The following CKAP5 variants were observed in gnomAD, a reference collection of about 807,000 sequenced individuals.
CKAP5 encodes the protein cytoskeleton-associated protein 5.
A neutral mutation model predicts 232.8 loss-of-function variants in CKAP5; 27 were observed. The observed-to-expected ratio is 0.12, with a 90% CI of 0.09 to 0.16. The LOEUF (loss-of-function observed/expected upper bound fraction) is 0.16, where lower values mean the gene tolerates loss of function less well. Among genes scored for constraint, CKAP5 ranks in the 10% least tolerant of loss-of-function variants. The pLI is 1.00. For missense variants in CKAP5, 1,838 were observed against 2,424.7 expected (o/e 0.76, Z 5.08); for synonymous variants, 785 against 841.1 (o/e 0.93, Z 1.16).
Position 46,797,956 on chromosome 11 carries a change from T to A in CKAP5, c.1187A>T (p.Asn396Ile). Reference sequence around the variant, plus strand: ...TACTGCTAAAACATCCTCACTGATGTTCTGTAGTGTGGTCTTTAGAAAGAA... The same window carrying A: ...TACTGCTAAAACATCCTCACTGATGATCTGTAGTGTGGTCTTTAGAAAGAA... ...DAIFLTTTLQ[N>I]ISEDVLAVMD... Residue 396 changes from asparagine to isoleucine, a missense_variant, in exon 11 of 44, where the codon AAC (asparagine) becomes ATC (isoleucine). Asn to Ile is a moderately radical substitution (Grantham distance 149). This residue lies in a region of CKAP5 where 97 missense variants were observed against 167.7 expected (regional missense o/e 0.58). Coordinates refer to ENST00000529230, the MANE Select transcript of CKAP5 (RefSeq NM_001008938.4). The A allele has an allele frequency of 6.2e-7, 1 of 1,613,028 alleles. No homozygotes were observed. The highest frequency in any genetic ancestry group is 8.5e-7 in the Non-Finnish European group (1 of 1,179,758).
At chr11:46,791,453 C>G (rs949248397) in intron 13 of CKAP5, among the ~76,000 whole-genome samples, 2 of 152,018 alleles carry the variant, frequency 1.3e-5, no homozygotes, top group African/African-American at 2.4e-5. Context: ...CTAAGGATCC[C>G]TTGAGCCCAG....
chr11:46,829,896 C>T (rs1490639877), intron 1 of CKAP5, among the ~76,000 whole-genome samples: 2 of 149,246 alleles, frequency 1.3e-5, no homozygotes, highest in African/African-American at 4.9e-5. Context: ...CTCACATACA[C>T]ATTTACATAT....
rs2065160160 is a variant in CKAP5, at chr11:46,762,114, C to T, written c.4107G>A (p.Lys1369=). The change falls in exon 32 of 44, where the codon AAG becomes AAA. Residue 1369 remains lysine (K), a synonymous_variant. Coordinates refer to ENST00000529230, the MANE Select transcript of CKAP5 (RefSeq NM_001008938.4). ...VCQPTPGKAL[K]EIAVHIGDRD... ...GGTCTCCTATGTGAACAGCTATTTC[C>T]TTTAAGGCTTTTCCTGGGGTTGGTT... The T allele has an allele frequency of 6.2e-7, 1 of 1,614,150 alleles. No individual in the cohort carries two copies. Among genetic ancestry groups the T allele is most frequent in the East Asian group, 2.2e-5 (1 of 44,884 alleles).
rs149593529 is a variant in CKAP5, at chr11:46,750,291, C to T, written c.5687G>A (p.Arg1896His). Residue 1896 changes from arginine to histidine, a missense_variant, in exon 42 of 44, where the codon CGT becomes CAT. Transcript: ENST00000529230. ...VIEMEREGKGRISTSTGISPQ... is the reference protein window; with the variant it reads ...VIEMEREGKGHISTSTGISPQ... ...AACCATACCTGTTGAAGTGGAAATA[C>T]GACCTTTGCCCTCCCTCTCCATCTC... 1.3e-5 allele frequency: 21 copies of T among 1,613,866 alleles called. No homozygotes were observed. Among genetic ancestry groups the T allele is most frequent in the African/African-American group, 1.1e-4 (8 of 74,920 alleles).
intron 36 of CKAP5, among the ~76,000 whole-genome samples, chr11:46,754,274 G>A (rs2065094128): frequency 6.6e-6 from 1 of 152,132 alleles, no homozygotes; most frequent in South Asian, 2.1e-4. Context: ...TGAGATTATA[G>A]GTGTGAGCCA....
At chr11:46,817,183 T>C (rs887020990) in intron 3 of CKAP5, among the ~76,000 whole-genome samples, 4 of 151,782 alleles carry the variant, frequency 2.6e-5, no homozygotes, top group African/African-American at 7.3e-5. Flanking sequence ...GGTGGGATTA[T>C]AGCTCACTGT....
intron 25 of CKAP5, 37 bp downstream of exon 25, chr11:46,770,751 A>T: frequency 6.3e-7 from 1 of 1,576,342 alleles, no homozygotes; most frequent in Non-Finnish European, 8.7e-7. Flanking sequence ...ATTTTTTAAT[A>T]GCTTTTAACA....
At chr11:46,809,582 A>C in intron 6 of CKAP5, 82 bp from the exon 7 acceptor site, 1 of 1,344,480 alleles carries the variant, frequency 7.4e-7, no homozygotes, top group Non-Finnish European at 1.1e-6. Context: ...CACAACCCTG[A>C]TGAAATTTTA....
In CKAP5 at chr11:46,811,047, T is replaced by C; in HGVS notation, c.590A>G (p.Asp197Gly). Reference protein sequence around the residue: ...IAVEIYRWIRDALRPPLQNIN... With the variant: ...IAVEIYRWIRGALRPPLQNIN... ...ATTTTGTAATGGGGGTCTCAGAGCA[T>C]CCCGAATCCATCTGTAAATCTCCAC... The change falls in exon 5 of 44, where the codon GAT becomes GGT. Residue 197 changes from aspartate to glycine, a missense_variant. Asp to Gly is a moderately conservative substitution (Grantham distance 94, BLOSUM62 -1). This residue lies in a region of CKAP5 where 285 missense variants were observed against 300.0 expected (regional missense o/e 0.95). Coordinates refer to ENST00000529230, the MANE Select transcript of CKAP5 (RefSeq NM_001008938.4). 1 of 1,614,094 alleles carries C rather than the reference T, an allele frequency of 6.2e-7. No homozygotes were observed. Among genetic ancestry groups the C allele is most frequent in the Non-Finnish European group, 8.5e-7 (1 of 1,179,988 alleles).
chr11:46,799,447 TA>T, intron 9 of CKAP5, among the ~76,000 whole-genome samples: 1 of 152,360 alleles, frequency 6.6e-6, no homozygotes, highest in East Asian at 1.9e-4. Flanking sequence ...AAAATCAAGA[TA>T]TTTTAATGTC....
intron 2 of CKAP5, among the ~76,000 whole-genome samples, chr11:46,819,275 G>C (rs1659315216): frequency 1.3e-5 from 2 of 151,902 alleles, no homozygotes; most frequent in African/African-American, 4.8e-5. Flanking sequence ...ATTCCAGAAG[G>C]AACAGTATAC....
chr11:46,808,908 A>AT (rs1208898418), intron 7 of CKAP5, among the ~76,000 whole-genome samples: 1 of 152,174 alleles, frequency 6.6e-6, no homozygotes, highest in East Asian at 1.9e-4. Context: ...ACTGGGGATG[A>AT]TTTTGTCTCC....
In CKAP5 at chr11:46,823,796, T is replaced by C. The variant is rs563386151; in HGVS notation, c.-37-2528A>G. Reference sequence around the variant, plus strand: ...TCACCATGCCCAACTAATTTTTTAGTTTTTTGTAGAGATGGGGTCTTACTA... The same window carrying C: ...TCACCATGCCCAACTAATTTTTTAGCTTTTTGTAGAGATGGGGTCTTACTA... On this transcript the variant is annotated intron_variant, in intron 1 of 43. Coordinates refer to ENST00000529230, the MANE Select transcript of CKAP5 (RefSeq NM_001008938.4). 2.0e-5 allele frequency among the ~76,000 whole-genome samples: 3 copies of C among 152,312 alleles called. No homozygotes were observed. In the East Asian group the frequency reaches 5.8e-4, roughly 29 times the overall value.
rs2065192247 is a variant in CKAP5 at position 46,765,226 on chromosome 11, T to C, written c.3442A>G (p.Thr1148Ala). Residue 1148 changes from threonine to alanine, a missense_variant, in exon 28 of 44, where the codon ACC (threonine) becomes GCC (alanine). By Grantham distance (58) the Thr-to-Ala change is moderately conservative (BLOSUM62 0). Around this residue, in one of 6 missense-constraint regions of CKAP5, gnomAD observed 767 missense variants for 954.6 expected, o/e 0.80. Coordinates refer to ENST00000529230, the MANE Select transcript of CKAP5 (RefSeq NM_001008938.4). Reference protein sequence around the residue: ...SAQGKKMPSKTSLKEDEDKSG... With the variant: ...SAQGKKMPSKASLKEDEDKSG... ...TTGTCTTCATCCTCCTTTAAGCTGGTTTTGCTTGGCATCTTCTTCCCTTGT... is the reference window on the plus strand; with the variant it reads ...TTGTCTTCATCCTCCTTTAAGCTGGCTTTGCTTGGCATCTTCTTCCCTTGT... The C allele has an allele frequency of 6.2e-7, 1 of 1,612,818 alleles. No individual in the cohort carries two copies. Among genetic ancestry groups the C allele is most frequent in the Non-Finnish European group, 8.5e-7 (1 of 1,179,530 alleles).
intron 1 of CKAP5, among the ~76,000 whole-genome samples, chr11:46,821,688 G>C (rs1406765094): frequency 1.3e-5 from 2 of 151,900 alleles, no homozygotes; most frequent in Admixed American, 6.5e-5. Context: ...CTCCCAAAGT[G>C]CTGGGATTAC....
intron 18 of CKAP5, 29 bp downstream of exon 18, chr11:46,783,245 A>G: frequency 3.1e-6 from 4 of 1,286,584 alleles, no homozygotes; most frequent in Non-Finnish European, 4.5e-6. Context: ...ACATTTAACT[A>G]TTTTCCACTT....
intron 1 of CKAP5, among the ~76,000 whole-genome samples, chr11:46,821,601 A>T (rs191366690): frequency 1.9e-4 from 29 of 151,582 alleles, no homozygotes; most frequent in African/African-American, 6.5e-4. Context: ...ATTTTTTTGT[A>T]TTTTTAGTAG....
chr11:46,801,403 C>T (rs1202795648), intron 8 of CKAP5, 99 bp from the exon 9 acceptor site: 5 of 858,912 alleles, frequency 5.8e-6, no homozygotes, highest in Non-Finnish European at 9.3e-6. Flanking sequence ...GGTGCAGCGG[C>T]TCACACCTGT....
chr11:46,767,696 CT>C, intron 26 of CKAP5, 33 bp from the exon 27 acceptor site: 1 of 1,310,644 alleles, frequency 7.6e-7, no homozygotes, highest in Non-Finnish European at 1.1e-6. Context: ...ATACTATAAA[CT>C]TTAACTAATA....
Sources: allele counts gnomAD v4.1 joint callset (sites outside exome capture counted in the v4.1 genomes callset), GRCh38; gene constraint gnomAD v4.1.1; regional missense constraint gnomAD v4.1.1; transcripts MANE v1.5; gene names NCBI Gene and HGNC (gene_info 2026-07-23, HGNC 2026-07-21).